Variants in SIRPA observed in about 807,000 individuals in gnomAD.
The protein encoded by SIRPA is tyrosine-protein phosphatase non-receptor type substrate 1.
SIRPA carries 9 observed loss-of-function variants against 50.3 expected under a neutral mutation model. The observed-to-expected ratio is 0.18, with a 90% confidence interval of 0.11 to 0.31. SIRPA has a LOEUF of 0.31. SIRPA is among the 10% of genes least tolerant of loss of function. The probability of loss-of-function intolerance (pLI) is 1.00; values close to 1 mark genes in which losing one functional copy is unlikely to be tolerated. For missense variants in SIRPA, 474 were observed against 661.6 expected (o/e 0.72, Z 3.11); for synonymous variants, 265 against 284.1 (o/e 0.93, Z 0.68).
At chr20:1,912,806 C>T (rs1451966645) in intron 1 of SIRPA, among the ~76,000 whole-genome samples, 1 of 152,206 alleles carries the variant, frequency 6.6e-6, no homozygotes, top group African/African-American at 2.4e-5. Context: ...GCCTGCTGGC[C>T]CTAGCAACTG....
chr20:1,918,191 G>A (rs1368132663), intron 2 of SIRPA, among the ~76,000 whole-genome samples: 2 of 127,574 alleles, frequency 1.6e-5, no homozygotes, highest in East Asian at 5.3e-4. Context: ...TTTTTTGTTT[G>A]TTTGTTTGTT....
In SIRPA at chr20:1,924,841, G is replaced by A. The variant is rs112407891; in HGVS notation, c.1165G>A (p.Ala389Thr). The change falls in exon 5 of 8, where the codon GCG (alanine) becomes ACG (threonine). Residue 389 changes from alanine (A) to threonine (T), a missense_variant. Around this residue, in one of 4 missense-constraint regions of SIRPA, gnomAD observed 180 missense variants for 206.7 expected, o/e 0.87. Transcript: ENST00000358771. This position sits in a 1 kb window ranked among gnomAD's most constrained non-coding sequence, Gnocchi z 4.5. ...CACCTTGCTGGTGGCCCTACTGATG[G>A]CGGCCCTCTACCTCGTCCGAATCAG... ...VCTLLVALLM[A>T]ALYLVRIRQK... The A allele has an allele frequency of 1.1e-5, 18 of 1,614,056 alleles. No homozygotes were observed. Among genetic ancestry groups the A allele is most frequent in the Non-Finnish European group, 1.4e-5 (17 of 1,180,026 alleles).
At chr20:1,900,653 G>A (rs935352075) in intron 1 of SIRPA, among the ~76,000 whole-genome samples, 4 of 152,238 alleles carry the variant, frequency 2.6e-5, no homozygotes, top group African/African-American at 9.6e-5. Context: ...CCGGGCCCAC[G>A]CGGGAGATCC....
At chr20:1,920,708 G>A (rs1044904340) in intron 2 of SIRPA, among the ~76,000 whole-genome samples, 2 of 152,188 alleles carry the variant, frequency 1.3e-5, no homozygotes, top group African/African-American at 4.8e-5. Context: ...TGGAGAAAAT[G>A]AAAAATATGA....
rs969316798 is a variant in SIRPA, at chr20:1,898,267, G to A, written c.79+2741G>A. ...TTCCTCTTTCGTAAGAAGAGAAAAC[G>A]GGGCGGGAGTGCTTTGGCTCAACAC... On this transcript the variant is annotated intron_variant, in intron 1 of 7. Transcript: ENST00000358771. The surrounding 1 kb of genome is among the most constrained non-coding windows in gnomAD (Gnocchi z 4.3). 1.3e-5 allele frequency among the ~76,000 whole-genome samples: 2 copies of A among 152,190 alleles called. No homozygotes were observed. Among genetic ancestry groups the A allele is most frequent in the African/African-American group, 2.4e-5 (1 of 41,442 alleles).
Position 1,928,265 on chromosome 20 carries a change from G to A in SIRPA, c.1226+366G>A, listed in dbSNP as rs1986108571. Among the ~76,000 whole-genome samples, 1 of 152,150 alleles carries A rather than the reference G, an allele frequency of 6.6e-6. No individual in the cohort carries two copies. The highest frequency in any genetic ancestry group is 2.4e-5 in the African/African-American group (1 of 41,438). On this transcript the variant is annotated intron_variant, in intron 6 of 7. Coordinates refer to ENST00000358771, the MANE Select transcript of SIRPA (RefSeq NM_001040023.2). This position sits in a 1 kb window ranked among gnomAD's most constrained non-coding sequence, Gnocchi z 4.9. ...AGTTGTATACTTTACTCTTTCCTTT[G>A]TTTAGTAAATATTTATTGAGTACCT... is the stretch of plus-strand genomic sequence containing the variant.
At position 1,898,515 on chromosome 20, in the gene SIRPA, C is replaced by T. The variant is rs1370931042; in HGVS notation, c.79+2989C>T. Reference sequence around the variant, plus strand: ...GGATGCTGCTCCTGCGTCGTCTCACCCGCAAGACATGGATTGGCTCTTCTC... The same window carrying T: ...GGATGCTGCTCCTGCGTCGTCTCACTCGCAAGACATGGATTGGCTCTTCTC... On this transcript the variant is annotated intron_variant, in intron 1 of 7. Coordinates refer to ENST00000358771, the MANE Select transcript of SIRPA (RefSeq NM_001040023.2). The surrounding 1 kb of genome is among the most constrained non-coding windows in gnomAD (Gnocchi z 4.3). 2.6e-5 allele frequency among the ~76,000 whole-genome samples: 4 copies of T among 152,116 alleles called. No individual in the cohort carries two copies. The highest frequency in any genetic ancestry group is 1.5e-5 in the Non-Finnish European group (1 of 68,034).
intron 1 of SIRPA, among the ~76,000 whole-genome samples, chr20:1,914,243 A>G (rs1985083615): frequency 6.6e-6 from 1 of 152,204 alleles, no homozygotes. Flanking sequence ...CCTGTAGATA[A>G]GAAAACTGAG....
Position 1,927,958 on chromosome 20 carries a change from C to A in SIRPA, c.1226+59C>A. 7.0e-7 allele frequency: 1 copy of A among 1,423,948 alleles called. No individual in the cohort carries two copies. Among genetic ancestry groups the A allele is most frequent in the Non-Finnish European group, 9.9e-7 (1 of 1,006,506 alleles). The allele number at this position is 1,423,948 out of a possible 1,614,324, so 88.2% of individuals were successfully genotyped here. On this transcript the variant is annotated intron_variant, in intron 6 of 7. Transcript: ENST00000358771. This position sits in a 1 kb window ranked among gnomAD's most constrained non-coding sequence, Gnocchi z 6.5. ...TTATTATTTGGTTATTTGACAGCCCCCCAGACTACAAAGCATAATCCATGT... is the reference window on the plus strand; with the variant it reads ...TTATTATTTGGTTATTTGACAGCCCACCAGACTACAAAGCATAATCCATGT...
At chr20:1,908,223 C>T (rs934130158) in intron 1 of SIRPA, among the ~76,000 whole-genome samples, 1 of 152,096 alleles carries the variant, frequency 6.6e-6, no homozygotes, top group African/African-American at 2.4e-5. Context: ...GGACACACTC[C>T]CGAACACAGG....
chr20:1,913,008 T>C lies in SIRPA; in HGVS notation c.80-2091T>C, dbSNP rs201434570. Among the ~76,000 whole-genome samples, 33 of 152,344 alleles carry C rather than the reference T, an allele frequency of 2.2e-4. No individual in the cohort carries two copies. In the East Asian group the frequency reaches 6.4e-3, roughly 29 times the overall value. On this transcript the variant is annotated intron_variant, in intron 1 of 7. Coordinates refer to ENST00000358771, the MANE Select transcript of SIRPA (RefSeq NM_001040023.2). The stretch of plus-strand genomic sequence containing the variant: ...CCGTCTGATGCTGGCTGGGCCTCTG[T>C]CCACTGTGGGTTCTGTCTGTCCACT...
intron 1 of SIRPA, among the ~76,000 whole-genome samples, chr20:1,913,551 G>A (rs890299228): frequency 6.6e-5 from 10 of 152,146 alleles, no homozygotes; most frequent in African/African-American, 2.2e-4. Context: ...GGCAGGACAA[G>A]GTCACATGAA....
Position 1,915,226 on chromosome 20 carries a change from C to T in SIRPA, c.207C>T (p.Phe69=). ...TCCCTGTGGGGCCCATCCAGTGGTT[C>T]AGAGGAGCTGGACCAGGCCGGGAAT... is the stretch of plus-strand genomic sequence containing the variant. ...SLIPVGPIQW[F]RGAGPGRELI... The change falls in exon 2 of 8, where the codon TTC becomes TTT. Residue 69 remains phenylalanine (F), a synonymous_variant. Coordinates refer to ENST00000358771, the MANE Select transcript of SIRPA (RefSeq NM_001040023.2). 1.2e-6 allele frequency: 2 copies of T among 1,610,834 alleles called. No individual in the cohort carries two copies. The highest frequency in any genetic ancestry group is 1.7e-6 in the Non-Finnish European group (2 of 1,178,718).
At chr20:1,912,752 G>A (rs62192717) in intron 1 of SIRPA, among the ~76,000 whole-genome samples, 8,983 of 152,348 alleles carry the variant, frequency 0.059, 318 homozygotes, top group Middle Eastern at 0.092. Context: ...TCCAGGGAAG[G>A]TGGGTACAGA....
rs529707028 is a variant in SIRPA at position 1,924,061 on chromosome 20, G to A, written c.1088-703G>A. On this transcript the variant is annotated intron_variant, in intron 4 of 7. Coordinates refer to ENST00000358771, the MANE Select transcript of SIRPA (RefSeq NM_001040023.2). The surrounding 1 kb of genome is among the most constrained non-coding windows in gnomAD (Gnocchi z 4.5). ...GTTAGCCAATGAGGTAGAGATGACT[G>A]TTGGCCCCAGTAACAGAAGAAGCAG... 2.0e-5 allele frequency among the ~76,000 whole-genome samples: 3 copies of A among 152,190 alleles called. No homozygotes were observed. The highest frequency in any genetic ancestry group is 4.4e-5 in the Non-Finnish European group (3 of 68,030).
intron 2 of SIRPA, among the ~76,000 whole-genome samples, chr20:1,916,660 G>C (rs1985320098): frequency 6.6e-6 from 1 of 152,156 alleles, no homozygotes; most frequent in Non-Finnish European, 1.5e-5. Context: ...ATAGAGACCT[G>C]CTCCATTGTG....
rs1216567887 is a variant in SIRPA, at chr20:1,927,943, G to T, written c.1226+44G>T. 6.4e-7 allele frequency: 1 copy of T among 1,560,234 alleles called. No individual in the cohort carries two copies. Among genetic ancestry groups the T allele is most frequent in the Admixed American group, 1.7e-5 (1 of 59,938 alleles). The stretch of plus-strand genomic sequence containing the variant: ...CAGACCCTCTTGCAGTTATTATTTG[G>T]TTATTTGACAGCCCCCCAGACTACA... On this transcript the variant is annotated intron_variant, in intron 6 of 7. Coordinates refer to ENST00000358771, the MANE Select transcript of SIRPA (RefSeq NM_001040023.2). This position sits in a 1 kb window ranked among gnomAD's most constrained non-coding sequence, Gnocchi z 6.5.
At chr20:1,925,381 G>A (rs6081199) in intron 5 of SIRPA, among the ~76,000 whole-genome samples, 92,921 of 151,576 alleles carry the variant, frequency 0.61, 29,580 homozygotes, top group African/African-American at 0.79. Flanking sequence ...AGTGCTCAAT[G>A]TATGTCAGCC....
chr20:1,895,350 G>A, upstream of SIRPA: 1 of 702,052 alleles, frequency 1.4e-6, no homozygotes, highest in Non-Finnish European at 2.1e-6. Context: ...CCGGGAGGGG[G>A]GAAGGGGGGG....
Sources: allele counts gnomAD v4.1 joint callset (sites outside exome capture counted in the v4.1 genomes callset), GRCh38; gene constraint gnomAD v4.1.1; regional missense constraint gnomAD v4.1.1; non-coding constraint Gnocchi (gnomAD v3.1); transcripts MANE v1.5; gene names NCBI Gene and HGNC (gene_info 2026-07-23, HGNC 2026-07-21).